WASHC5: variants seen among roughly 807,000 people sequenced by gnomAD.
WASHC5 encodes the protein WASH complex subunit strumpellin.
WASHC5 carries 101 observed loss-of-function variants against 150.4 expected under a neutral mutation model. The ratio of observed to expected loss-of-function variants is 0.67; its 90% CI spans 0.57 to 0.79. The LOEUF (loss-of-function observed/expected upper bound fraction) is 0.79, where lower values mean the gene tolerates loss of function less well. WASHC5 is among the 30% of genes least tolerant of loss of function. WASHC5 has a pLI of 0.00. For synonymous variants in WASHC5, 467 were observed against 491.2 expected (o/e 0.95, Z 0.65); for missense variants, 1,195 against 1,396.3 (o/e 0.86, Z 2.30).
chr8:125,026,580 T>G (rs1330539692), intron 28 of WASHC5, among the ~76,000 whole-genome samples: 1 of 152,210 alleles, frequency 6.6e-6, no homozygotes, highest in African/African-American at 2.4e-5. Context: ...TAATTAATTT[T>G]GATAACATAG....
In WASHC5 at chr8:125,056,915, G is replaced by A. The variant is rs1447115568; in HGVS notation, c.1876-98C>T. ...GCCTAATTTGTCTATATAGGGGGATGCTGAAAAATGTAAAAGAGCTGTTTT... is the reference window on the plus strand; with the variant it reads ...GCCTAATTTGTCTATATAGGGGGATACTGAAAAATGTAAAAGAGCTGTTTT... On this transcript the variant is annotated intron_variant, in intron 15 of 28. Coordinates refer to ENST00000318410, the MANE Select transcript of WASHC5 (RefSeq NM_014846.4). 6 of 1,410,154 alleles carry A rather than the reference G, an allele frequency of 4.3e-6. No individual in the cohort carries two copies. In the African/African-American group the frequency reaches 8.5e-5, roughly 20 times the overall value. The allele number at this position is 1,410,154 out of a possible 1,614,324, so 87.4% of individuals were successfully genotyped here.
intron 28 of WASHC5, among the ~76,000 whole-genome samples, chr8:125,027,661 T>G (rs1815412192): frequency 1.3e-5 from 2 of 152,184 alleles, no homozygotes; most frequent in Non-Finnish European, 2.9e-5. Context: ...ACAAATATGG[T>G]GCAGTGTATA....
chr8:125,024,534 G>T lies in WASHC5; in HGVS notation c.*83C>A. On this transcript the variant is annotated 3_prime_UTR_variant, in exon 29 of 29. Transcript: ENST00000318410. ...AAAAAATGCAGTTGTATGAGCAACT[G>T]AGTTTCTTTTCATCTTCAAATTCAT... 2.8e-6 allele frequency: 3 copies of T among 1,056,226 alleles called. No homozygotes were observed. In the South Asian group the frequency reaches 3.8e-5, roughly 13 times the overall value. The allele number at this position is 1,056,226 out of a possible 1,614,324, so 65.4% of individuals were successfully genotyped here.
intron 9 of WASHC5, 62 bp from the exon 10 acceptor site, chr8:125,067,781 T>C (rs1816791739): frequency 1.3e-6 from 2 of 1,527,368 alleles, no homozygotes; most frequent in Non-Finnish European, 1.8e-6. Flanking sequence ...TGAAATAAGA[T>C]AAATTATTAA....
rs527404412 is a variant in WASHC5 at position 125,025,067 on chromosome 8, G to A, written c.3424-394C>T. ...GGCAAGTGATGGGGTTGGAGAGGTA[G>A]GGGAGGGCAGGAATGAGAATGAGAT... On this transcript the variant is annotated intron_variant, in intron 28 of 28. Transcript: ENST00000318410. Among the ~76,000 whole-genome samples the A allele has an allele frequency of 3.4e-4, 51 of 152,190 alleles. 1 individual carries two copies. In the South Asian group the frequency reaches 0.01, roughly 30 times the overall value.
At position 125,083,838 on chromosome 8, in the gene WASHC5, A is replaced by G. The variant is rs759319069; in HGVS notation, c.61T>C (p.Cys21Arg). 3.1e-6 allele frequency: 5 copies of G among 1,614,104 alleles called. No homozygotes were observed. The highest frequency in any genetic ancestry group is 2.2e-5 in the South Asian group (2 of 91,080). Reference protein sequence around the residue: ...CGQAILRIVSCGNAIIAELLR... With the variant: ...CGQAILRIVSRGNAIIAELLR... ...AGTTCAGCAATGATGGCATTACCAC[A>G]GGAAACAATCCTTAGGATTGCTTGG... The change falls in exon 2 of 29, where the codon TGT becomes CGT. Residue 21 changes from cysteine (C) to arginine (R), a missense_variant. Cys to Arg is a radical substitution (Grantham distance 180). Coordinates refer to ENST00000318410, the MANE Select transcript of WASHC5 (RefSeq NM_014846.4).
Position 125,075,070 on chromosome 8 carries a change from A to T in WASHC5, c.906T>A (p.Asp302Glu). The change falls in exon 8 of 29, where the codon GAT (aspartate) becomes GAA (glutamate). Residue 302 changes from aspartate to glutamate, a missense_variant. Coordinates refer to ENST00000318410, the MANE Select transcript of WASHC5 (RefSeq NM_014846.4). ...IYMGITVNLV[D>E]AWEPYKAAKT... ...TTGCAGCTTTGTAAGGTTCCCAAGC[A>T]TCTACTAGATTAACTGTGATCCCCA... 2.5e-6 allele frequency: 4 copies of T among 1,612,204 alleles called. No homozygotes were observed. The highest frequency in any genetic ancestry group is 3.4e-6 in the Non-Finnish European group (4 of 1,178,384).
rs1365763670 is a variant in WASHC5 at position 125,083,101 on chromosome 8, A to C, written c.332+12T>G. ...TACTACCAGAATAAGCTATTCCTAA[A>C]TAGATCAATACCTGTTTAAGTCTAC... On this transcript the variant is annotated intron_variant, in intron 3 of 28. Transcript: ENST00000318410. 6.8e-7 allele frequency: 1 copy of C among 1,463,702 alleles called. No homozygotes were observed. Among genetic ancestry groups the C allele is most frequent in the African/African-American group, 1.4e-5 (1 of 71,780 alleles). 90.7% of individuals were successfully genotyped at this position (1,463,702 alleles called of 1,614,324 possible). A position where few individuals can be genotyped will look rare whatever the true frequency, so the allele number is the denominator to read the frequency against.
In WASHC5 at chr8:125,082,424, A is replaced by C. The variant is rs1280634768; in HGVS notation, c.376T>G (p.Leu126Val). ...LNEGVYIQQT[L>V]ETVLLNEDGK... Reference sequence around the variant, plus strand: ...TCTTCATTGAGAAGCACAGTTTCTAAGGTTTGCTGAATATAAACCCCTTCA... The same window carrying C: ...TCTTCATTGAGAAGCACAGTTTCTACGGTTTGCTGAATATAAACCCCTTCA... Residue 126 changes from leucine to valine, a missense_variant, in exon 4 of 29, where the codon TTA becomes GTA. Coordinates refer to ENST00000318410, the MANE Select transcript of WASHC5 (RefSeq NM_014846.4). 1.3e-6 allele frequency: 2 copies of C among 1,592,294 alleles called. No individual in the cohort carries two copies. Among genetic ancestry groups the C allele is most frequent in the Non-Finnish European group, 1.7e-6 (2 of 1,160,630 alleles).
chr8:125,037,129 A>G, intron 26 of WASHC5, 108 bp downstream of exon 26: 1 of 724,816 alleles, frequency 1.4e-6, no homozygotes, highest in Non-Finnish European at 2.5e-6. Context: ...AAATTTAACT[A>G]AGAAAAGATC....
At chr8:125,025,797 T>C (rs796250458) in intron 28 of WASHC5, among the ~76,000 whole-genome samples, 8 of 150,838 alleles carry the variant, frequency 5.3e-5, no homozygotes, top group African/African-American at 2.0e-4. Flanking sequence ...GCAACTTTTG[T>C]AATGAATTTT....
At chr8:125,085,067 T>G (rs1027454049) in intron 1 of WASHC5, among the ~76,000 whole-genome samples, 4 of 152,140 alleles carry the variant, frequency 2.6e-5, no homozygotes, top group Non-Finnish European at 5.9e-5. Flanking sequence ...GTATAAGGAG[T>G]GCATAAATAA....
chr8:125,047,965 G>A (rs1463881888), intron 19 of WASHC5, among the ~76,000 whole-genome samples: 1 of 152,152 alleles, frequency 6.6e-6, no homozygotes, highest in Non-Finnish European at 1.5e-5. Context: ...TCCCACCTGA[G>A]CCTCCAAGTA....
At chr8:125,037,145 T>TC (rs1464608660) in intron 26 of WASHC5, 92 bp downstream of exon 26, 1 of 783,146 alleles carries the variant, frequency 1.3e-6, no homozygotes, top group Non-Finnish European at 2.3e-6. Flanking sequence ...AGATCTCATA[T>TC]CCGACATAGG....
chr8:125,074,963 C>A, intron 8 of WASHC5, 35 bp downstream of exon 8: 1 of 1,202,546 alleles, frequency 8.3e-7, no homozygotes, highest in African/African-American at 1.5e-5. Flanking sequence ...ACTAGGCCTG[C>A]AGTTATCAGA....
Position 125,044,028 on chromosome 8 carries a change from G to A in WASHC5, c.2734C>T (p.Leu912Phe), listed in dbSNP as rs1210032060. 1 of 1,613,762 alleles carries A rather than the reference G, an allele frequency of 6.2e-7. No homozygotes were observed. The highest frequency in any genetic ancestry group is 1.7e-5 in the Admixed American group (1 of 60,016). The stretch of plus-strand genomic sequence containing the variant: ...TTTAGGGGACTGACAGCATTCATGA[G>A]GGTTTTTAAAGTGTCCTGAACAGTT... ...DRTVQDTLKTLMNAVSPLKSI... is the reference protein window; with the variant it reads ...DRTVQDTLKTFMNAVSPLKSI... Residue 912 changes from leucine to phenylalanine, a missense_variant, in exon 22 of 29, where the codon CTC (leucine) becomes TTC (phenylalanine). Physicochemically the swap from Leu to Phe is conservative, Grantham distance 22 (BLOSUM62 0). This residue lies in a region of WASHC5 where 997 missense variants were observed against 1,168.1 expected (regional missense o/e 0.85). Transcript: ENST00000318410.
chr8:125,086,134 G>A (rs1251834766), intron 1 of WASHC5, among the ~76,000 whole-genome samples: 13 of 152,078 alleles, frequency 8.5e-5, no homozygotes, highest in Admixed American at 3.3e-4. Context: ...CTGGGCTGCC[G>A]TAACAAAGCA....
chr8:125,057,629 T>A lies in WASHC5; in HGVS notation c.1802A>T (p.Asn601Ile). 6.2e-7 allele frequency: 1 copy of A among 1,613,968 alleles called. No individual in the cohort carries two copies. The highest frequency in any genetic ancestry group is 8.5e-7 in the Non-Finnish European group (1 of 1,179,904). Residue 601 changes from asparagine (N) to isoleucine (I), a missense_variant, in exon 15 of 29, where the codon AAT becomes ATT. Asn to Ile is a moderately radical substitution (Grantham distance 149). Coordinates refer to ENST00000318410, the MANE Select transcript of WASHC5 (RefSeq NM_014846.4). Reference protein sequence around the residue: ...SALDLPLLRINQANSPDLLSV... With the variant: ...SALDLPLLRIIQANSPDLLSV... ...GAGCAGGTCGGGGCTATTTGCCTGA[T>A]TAATACGAAGAAGGGGCAGATCGAG... is the stretch of plus-strand genomic sequence containing the variant.
At chr8:125,029,806 A>G (rs1815475851) in intron 27 of WASHC5, among the ~76,000 whole-genome samples, 1 of 152,242 alleles carries the variant, frequency 6.6e-6, no homozygotes, top group Admixed American at 6.5e-5. Flanking sequence ...TCTGATTAAC[A>G]AATAACTTTT....
Sources: allele counts gnomAD v4.1 joint callset (sites outside exome capture counted in the v4.1 genomes callset), GRCh38; gene constraint gnomAD v4.1.1; regional missense constraint gnomAD v4.1.1; transcripts MANE v1.5; gene names NCBI Gene and HGNC (gene_info 2026-07-23, HGNC 2026-07-21).